Variants in RBFOX3 observed in about 807,000 individuals in gnomAD.
The protein encoded by RBFOX3 is RNA binding fox-1 homolog 3.
A neutral mutation model predicts 48.7 loss-of-function variants in RBFOX3; 17 were observed. That is an observed-to-expected ratio of 0.35 (90% confidence interval 0.24 to 0.52). RBFOX3 has a LOEUF of 0.52. RBFOX3 is among the 20% of genes least tolerant of loss of function. The probability of loss-of-function intolerance (pLI) is 0.94; values close to 1 mark genes in which losing one functional copy is unlikely to be tolerated. For missense variants in RBFOX3, 382 were observed against 497.5 expected (o/e 0.77, Z 2.21); for synonymous variants, 212 against 209.5 (o/e 1.01, Z -0.10).
chr17:79,511,467 G>C (rs1361055111), intron 1 of RBFOX3, among the ~76,000 whole-genome samples: 2 of 152,174 alleles, frequency 1.3e-5, no homozygotes, highest in East Asian at 1.9e-4. Flanking sequence ...TTGCTGGAGG[G>C]CTCTGTGAGC....
At chr17:79,524,554 C>G (rs1348766879) in intron 1 of RBFOX3, among the ~76,000 whole-genome samples, 1 of 152,174 alleles carries the variant, frequency 6.6e-6, no homozygotes, top group Non-Finnish European at 1.5e-5. Flanking sequence ...AGGCCAACCT[C>G]AGGTTGTGGA....
intron 4 of RBFOX3, among the ~76,000 whole-genome samples, chr17:79,137,485 G>T (rs909749991): frequency 1.3e-5 from 2 of 152,000 alleles, no homozygotes; most frequent in African/African-American, 4.8e-5. Context: ...ACACACACGC[G>T]CCTGCAGTGA....
chr17:79,536,476 C>G (rs1392898595), intron 1 of RBFOX3, among the ~76,000 whole-genome samples: 1 of 152,262 alleles, frequency 6.6e-6, no homozygotes, highest in Non-Finnish European at 1.5e-5. Flanking sequence ...GCCTGAACAT[C>G]TGTAAATCTG....
intron 2 of RBFOX3, among the ~76,000 whole-genome samples, chr17:79,432,347 T>C (rs897560672): frequency 2.0e-5 from 3 of 152,208 alleles, no homozygotes; most frequent in Non-Finnish European, 4.4e-5. Context: ...TTTAAAAGAT[T>C]GTTTCATAGA....
At chr17:79,171,250 C>T (rs1433864138) in intron 4 of RBFOX3, among the ~76,000 whole-genome samples, 2 of 152,224 alleles carry the variant, frequency 1.3e-5, no homozygotes, top group South Asian at 2.1e-4. Flanking sequence ...GTCATTAGCA[C>T]GAATTTCATC....
intron 2 of RBFOX3, among the ~76,000 whole-genome samples, chr17:79,339,704 G>A (rs745447315): frequency 5.3e-5 from 8 of 152,192 alleles, no homozygotes; most frequent in Admixed American, 3.3e-4. Flanking sequence ...CGATAACTCG[G>A]GCTGGCACAG....
intron 2 of RBFOX3, among the ~76,000 whole-genome samples, chr17:79,453,192 T>A (rs186588364): frequency 2.6e-5 from 4 of 152,376 alleles, no homozygotes; most frequent in African/African-American, 9.6e-5. Flanking sequence ...ATGCCGGAGC[T>A]GAAGAGTGCG....
intron 2 of RBFOX3, among the ~76,000 whole-genome samples, chr17:79,424,669 G>A (rs2067042260): frequency 6.6e-6 from 1 of 152,100 alleles, no homozygotes; most frequent in South Asian, 2.1e-4. Context: ...TCTGGCCTCA[G>A]GCAGGTCTGT....
intron 2 of RBFOX3, among the ~76,000 whole-genome samples, chr17:79,393,912 T>TCAATGCACATCTGAGCCG (rs1249482076): frequency 6.7e-6 from 1 of 149,016 alleles, no homozygotes; most frequent in Non-Finnish European, 1.5e-5. Context: ...GAGATGGCCA[T>TCAATGCACATCTGAGCCG]CAATGCACAT....
chr17:79,391,909 C>G lies in RBFOX3; in HGVS notation c.-174-84085G>C, dbSNP rs943235208. Among the ~76,000 whole-genome samples, 4 of 152,150 alleles carry G rather than the reference C, an allele frequency of 2.6e-5. No individual in the cohort carries two copies. The highest frequency in any genetic ancestry group is 9.7e-5 in the African/African-American group (4 of 41,434). On this transcript the variant is annotated intron_variant, in intron 2 of 14. Transcript: ENST00000693108. This position sits in a 1 kb window ranked among gnomAD's most constrained non-coding sequence, Gnocchi z 5.0. ...GACAAGCCCCAGGTCCCCTCCTTCC[C>G]GGTTCTGAAGCTCACAGGTCGCGGG...
intron 14 of RBFOX3, chr17:79,092,727 CAAAA>C (rs2074195872): frequency 1.4e-6 from 1 of 738,272 alleles, no homozygotes; most frequent in Non-Finnish European, 1.7e-6. Context: ...AAAGGAAAAA[CAAAA>C]AGAGAAATAG....
intron 9 of RBFOX3, chr17:79,099,604 G>A (rs1193904854): frequency 6.6e-6 from 1 of 152,242 alleles, no homozygotes; most frequent in African/African-American, 2.4e-5. Context: ...GAGGCTGCAT[G>A]TGTGCTTCAG....
chr17:79,131,096 C>T (rs142065501), intron 4 of RBFOX3, among the ~76,000 whole-genome samples: 493 of 151,774 alleles, frequency 3.2e-3, no homozygotes, highest in Non-Finnish European at 6.3e-3. Flanking sequence ...GTGCTGTGTG[C>T]CCCGTGTGTG....
rs536701864 is a variant in RBFOX3, at chr17:79,174,144, C to T, written c.-33-58396G>A. On this transcript the variant is annotated intron_variant, in intron 4 of 14. Transcript: ENST00000693108. ...GCCTGGTGGTGGGGACCAGGGAAAC[C>T]TCCAGGGTGAAAACACCTGGTAGAA... Among the ~76,000 whole-genome samples the T allele has an allele frequency of 3.3e-5, 5 of 152,272 alleles. No homozygotes were observed. The South Asian group carries it at 1.0e-3, about 32-fold the overall frequency.
At chr17:79,507,800 G>A (rs1180962844) in intron 1 of RBFOX3, among the ~76,000 whole-genome samples, 2 of 152,162 alleles carry the variant, frequency 1.3e-5, no homozygotes, top group East Asian at 3.9e-4. Flanking sequence ...ACAGGTGAGA[G>A]AACCAAGGCA....
At chr17:79,332,077 G>T (rs1289611187) in intron 2 of RBFOX3, among the ~76,000 whole-genome samples, 1 of 152,200 alleles carries the variant, frequency 6.6e-6, no homozygotes, top group Non-Finnish European at 1.5e-5. Context: ...CGGCAGGTCT[G>T]CTCTGGTCCC....
At position 79,443,908 on chromosome 17, in the gene RBFOX3, G is replaced by A. The variant is rs1030989907; in HGVS notation, c.-175+38546C>T. 2.6e-5 allele frequency among the ~76,000 whole-genome samples: 4 copies of A among 152,134 alleles called. No individual in the cohort carries two copies. The highest frequency in any genetic ancestry group is 7.2e-5 in the African/African-American group (3 of 41,428). On this transcript the variant is annotated intron_variant, in intron 2 of 14. Transcript: ENST00000693108. This position sits in a 1 kb window ranked among gnomAD's most constrained non-coding sequence, Gnocchi z 4.4. ...AGAACAGAAATCCTACAGGGTACCC[G>A]TGACTTACTGGGCTATCCCGAGTGC...
chr17:79,379,006 TG>T (rs918681749), intron 2 of RBFOX3, among the ~76,000 whole-genome samples: 3 of 152,150 alleles, frequency 2.0e-5, no homozygotes, highest in African/African-American at 7.2e-5. Context: ...GTCCCAGCCC[TG>T]GGTCTGACTC....
chr17:79,558,443 C>G (rs1030199384), intron 1 of RBFOX3, among the ~76,000 whole-genome samples: 38 of 152,250 alleles, frequency 2.5e-4, no homozygotes, highest in Middle Eastern at 3.4e-3. Context: ...AGCTGAGGGG[C>G]GGGGCTGAGG....
Sources: gnomAD v4.1 joint callset for allele counts (sites outside exome capture counted in the v4.1 genomes callset) on GRCh38, gnomAD v4.1.1 for gene constraint, Gnocchi (gnomAD v3.1) non-coding constraint, MANE v1.5 for transcripts, NCBI Gene and HGNC (gene_info 2026-07-23, HGNC 2026-07-21) for gene names.